DACH2: variants seen among roughly 807,000 people sequenced by gnomAD.
DACH2 encodes dachshund family transcription factor 2.
A neutral mutation model predicts 35.8 loss-of-function variants in DACH2; 17 were observed. That is an observed-to-expected ratio of 0.48 (90% CI 0.33 to 0.71). The LOEUF is 0.71. Among genes scored for constraint, DACH2 ranks in the 30% least tolerant of loss-of-function variants. The pLI, the probability that DACH2 is intolerant of heterozygous loss-of-function variation, is 0.02. For synonymous variants in DACH2, 195 were observed against 177.3 expected (o/e 1.10, Z -0.79); for missense variants, 469 against 472.7 (o/e 0.99, Z 0.07).
rs138451977 is a variant in DACH2, at chrX:86,814,219, C to T, written c.1538-469C>T. Among the ~76,000 whole-genome samples the T allele has an allele frequency of 3.9e-3, 436 of 111,886 alleles. 2 individuals carry two copies. Among genetic ancestry groups the T allele is most frequent in the African/African-American group, 0.013 (415 of 30,845 alleles). On this transcript the variant is annotated intron_variant, in intron 9 of 11. Transcript: ENST00000373125. ...AACATTTCAGATAAATGGACACTTGCCATTTTCAGTTTTAAAGACTATATT... is the reference window on the plus strand; with the variant it reads ...AACATTTCAGATAAATGGACACTTGTCATTTTCAGTTTTAAAGACTATATT...
intron 1 of DACH2, among the ~76,000 whole-genome samples, chrX:86,315,600 TTG>T (rs2034884447): frequency 9.0e-6 from 1 of 111,672 alleles, no homozygotes; most frequent in Non-Finnish European, 1.9e-5. Flanking sequence ...TTAAGAACAT[TTG>T]TGACTTACAA....
intron 3 of DACH2, among the ~76,000 whole-genome samples, chrX:86,636,169 G>T (rs1279424244): frequency 9.0e-6 from 1 of 111,185 alleles, no homozygotes; most frequent in Non-Finnish European, 1.9e-5. Flanking sequence ...ATGCTAGGCT[G>T]GGCACAATGG....
intron 1 of DACH2, among the ~76,000 whole-genome samples, chrX:86,331,131 A>T (rs1430892671): frequency 8.9e-6 from 1 of 111,798 alleles, no homozygotes; most frequent in Non-Finnish European, 1.9e-5. Flanking sequence ...TTACTTTCAA[A>T]GCCTACCCAC....
chrX:86,262,975 C>G, intron 1 of DACH2: 1 of 753,042 alleles, frequency 1.3e-6, no homozygotes, highest in Non-Finnish European at 1.6e-6. Flanking sequence ...GACATATGCA[C>G]CCAAAGCACT....
At chrX:86,333,843 G>A (rs1200405920) in intron 1 of DACH2, among the ~76,000 whole-genome samples, 1 of 111,072 alleles carries the variant, frequency 9.0e-6, no homozygotes, top group Non-Finnish European at 1.9e-5. Context: ...TTGCCATGGT[G>A]GTTTGCTGCA....
At chrX:86,606,042 G>A (rs2039853701) in intron 3 of DACH2, among the ~76,000 whole-genome samples, 2 of 110,620 alleles carry the variant, frequency 1.8e-5, no homozygotes, top group Non-Finnish European at 3.8e-5. Context: ...CTCTGAATCT[G>A]GTTCTATTGT....
chrX:86,302,610 A>T (rs966710887), intron 1 of DACH2, among the ~76,000 whole-genome samples: 7 of 111,337 alleles, frequency 6.3e-5, no homozygotes, highest in African/African-American at 2.3e-4. Context: ...CTCTGCCAGG[A>T]CCATAGATTT....
chrX:86,624,047 C>CAAAAAAAA (rs1466830603), intron 3 of DACH2, among the ~76,000 whole-genome samples: 6 of 16,341 alleles, frequency 3.7e-4, no homozygotes, highest in African/African-American at 1.1e-3. Flanking sequence ...AACTCCGTCT[C>CAAAAAAAA]AAAAAAACAA....
At chrX:86,491,944 T>A (rs1393386386) in intron 2 of DACH2, among the ~76,000 whole-genome samples, 2 of 111,823 alleles carry the variant, frequency 1.8e-5, no homozygotes, top group Non-Finnish European at 3.8e-5. Flanking sequence ...AATTAATACA[T>A]GTGCCTTTTA....
chrX:86,759,699 T>C (rs2041862263), intron 7 of DACH2, among the ~76,000 whole-genome samples: 1 of 111,656 alleles, frequency 9.0e-6, no homozygotes, highest in African/African-American at 3.3e-5. Context: ...GTTGATGGTA[T>C]ACTTTTTATT....
chrX:86,456,493 C>A (rs182295715), intron 2 of DACH2, among the ~76,000 whole-genome samples: 1 of 111,488 alleles, frequency 9.0e-6, no homozygotes, highest in African/African-American at 3.2e-5. Context: ...ATTCCTAATT[C>A]CTTCTTTCTA....
At position 86,148,477 on chromosome X, in the gene DACH2, C is replaced by G. The variant is rs2030232491; in HGVS notation, c.-144C>G. Reference sequence around the variant, plus strand: ...CTGTTTGTTGAGCTTGAGCGTGAGCCGGCTGCTGAAGACTTGCGAACAGTT... The same window carrying G: ...CTGTTTGTTGAGCTTGAGCGTGAGCGGGCTGCTGAAGACTTGCGAACAGTT... On this transcript the variant is annotated 5_prime_UTR_variant, in exon 1 of 12. Coordinates refer to ENST00000373125, the MANE Select transcript of DACH2 (RefSeq NM_053281.3). 5 of 663,913 alleles carry G rather than the reference C, an allele frequency of 7.5e-6. No homozygotes were observed. In the Admixed American group the frequency reaches 1.2e-4, roughly 16 times the overall value. The allele number at this position is 663,913 out of a possible 1,213,427, so 54.7% of individuals were successfully genotyped here.
chrX:86,449,886 T>G (rs1220961973), intron 2 of DACH2, among the ~76,000 whole-genome samples: 1 of 111,807 alleles, frequency 8.9e-6, no homozygotes, highest in African/African-American at 3.2e-5. Flanking sequence ...TTCGTCTTTT[T>G]ACTTACATAC....
intron 4 of DACH2, among the ~76,000 whole-genome samples, chrX:86,686,706 T>C (rs941346187): frequency 1.8e-5 from 2 of 111,927 alleles, no homozygotes; most frequent in Non-Finnish European, 3.8e-5. Flanking sequence ...CAATAAAATA[T>C]CTTTTAACCA....
chrX:86,299,063 G>A (rs756852033), intron 1 of DACH2, among the ~76,000 whole-genome samples: 2 of 111,771 alleles, frequency 1.8e-5, no homozygotes, highest in Non-Finnish European at 3.8e-5. Flanking sequence ...TAGATTCTGG[G>A]ATATATTGAG....
chrX:86,253,552 G>T (rs1475711533), intron 1 of DACH2, among the ~76,000 whole-genome samples: 1 of 112,022 alleles, frequency 8.9e-6, no homozygotes, highest in Non-Finnish European at 1.9e-5. Flanking sequence ...CATCTAAATA[G>T]CTCCAGCATA....
chrX:86,661,769 C>T (rs1328442611), intron 4 of DACH2, among the ~76,000 whole-genome samples: 1 of 112,042 alleles, frequency 8.9e-6, no homozygotes, highest in Non-Finnish European at 1.9e-5. Flanking sequence ...AAACATTTTA[C>T]ATTTCCAAAG....
At chrX:86,224,706 A>C (rs1196900955) in intron 1 of DACH2, among the ~76,000 whole-genome samples, 1 of 111,648 alleles carries the variant, frequency 9.0e-6, no homozygotes, top group African/African-American at 3.2e-5. Context: ...CTAGTTCATC[A>C]TTCTTTTAAT....
chrX:86,302,760 T>C (rs182956151), intron 1 of DACH2, among the ~76,000 whole-genome samples: 208 of 110,669 alleles, frequency 1.9e-3, no homozygotes, highest in African/African-American at 6.4e-3. Flanking sequence ...ACATTGTTTT[T>C]TCCTCAAAGG....
Sources: gnomAD v4.1 joint callset for allele counts (sites outside exome capture counted in the v4.1 genomes callset) on GRCh38, gnomAD v4.1.1 for gene constraint, MANE v1.5 for transcripts, NCBI Gene and HGNC (gene_info 2026-07-23, HGNC 2026-07-21) for gene names.